Variants in RHD observed in about 807,000 individuals in gnomAD.
RHD encodes Rh blood group D antigen, also known as blood group Rh(D) polypeptide.
A neutral mutation model predicts 45.5 loss-of-function variants in RHD; 16 were observed. The observed-to-expected ratio is 0.35, with a 90% CI of 0.24 to 0.53. The LOEUF is 0.53. Among genes scored for constraint, RHD ranks in the 20% least tolerant of loss-of-function variants. The pLI is 0.92. For synonymous variants in RHD, 131 were observed against 217.5 expected (o/e 0.60, Z 3.50); for missense variants, 306 against 532.0 (o/e 0.58, Z 4.18).
rs192120870 is a variant in RHD at position 25,291,005 on chromosome 1, C to G, written c.486+214C>G. Among the ~76,000 whole-genome samples, 11 of 130,602 alleles carry G rather than the reference C, an allele frequency of 8.4e-5. 3 individuals are homozygous for G. Among genetic ancestry groups the G allele is most frequent in the Non-Finnish European group, 2.0e-4 (11 of 55,282 alleles). The allele number at this position is 130,602 out of a possible 152,430, so 85.7% of individuals were successfully genotyped here. ...AAAAAGTAATTTTTTCTAAATTATC[C>G]AGTTGTGGTGGCATGCACCTGTAGT... On this transcript the variant is annotated intron_variant, in intron 3 of 9. Coordinates refer to ENST00000328664, the MANE Select transcript of RHD (RefSeq NM_016124.6).
At position 25,330,081 on chromosome 1, in the gene RHD, G is replaced by A. The variant is rs1173666708; in HGVS notation, c.*1157G>A. 7.5e-6 allele frequency: 1 copy of A among 132,846 alleles called. No homozygotes were observed. The highest frequency in any genetic ancestry group is 7.3e-5 in the Admixed American group (1 of 13,638). The allele number at this position is 132,846 out of a possible 1,614,324, so 8.2% of individuals were successfully genotyped here. A position where few individuals can be genotyped will look rare whatever the true frequency, so the allele number is the denominator to read the frequency against. Reference sequence around the variant, plus strand: ...AACCTGGTTGCAGGACAAACAGACGGACAGCGTGTGGCAGTGTTTAAATGC... The same window carrying A: ...AACCTGGTTGCAGGACAAACAGACGAACAGCGTGTGGCAGTGTTTAAATGC... On this transcript the variant is annotated 3_prime_UTR_variant, in exon 10 of 10. Transcript: ENST00000328664.
At chr1:25,283,564 G>A (rs189930987) in intron 1 of RHD, among the ~76,000 whole-genome samples, 1 of 131,488 alleles carries the variant, frequency 7.6e-6, no homozygotes, top group Non-Finnish European at 1.8e-5. Flanking sequence ...TCTACCCACC[G>A]GGGCAAGTTA....
In RHD at chr1:25,301,722, C is replaced by G. The variant is rs1437958523; in HGVS notation, c.801+36C>G. On this transcript the variant is annotated intron_variant, in intron 5 of 9. Transcript: ENST00000328664. ...CGCTGCCCTTGGGCAGCACTTGGGTCTAACAGGACTAGCACACATATTTAT... is the reference window on the plus strand; with the variant it reads ...CGCTGCCCTTGGGCAGCACTTGGGTGTAACAGGACTAGCACACATATTTAT... The G allele has an allele frequency of 7.5e-6, 10 of 1,325,674 alleles. 3 individuals carry two copies. The highest frequency in any genetic ancestry group is 9.7e-6 in the Non-Finnish European group (9 of 930,846). 82.1% of individuals were successfully genotyped at this position (1,325,674 alleles called of 1,614,324 possible).
At chr1:25,324,889 C>CA (rs1333526234) in intron 9 of RHD, among the ~76,000 whole-genome samples, 31 of 114,088 alleles carry the variant, frequency 2.7e-4, no homozygotes, top group South Asian at 1.5e-3. Context: ...ACTAAAAATA[C>CA]AAAAAAAAAT....
Position 25,273,133 on chromosome 1 carries a change from G to A in RHD, c.148+438G>A, listed in dbSNP as rs1436375301. ...TTTTGTTTCCTTTTTGTGGCCTCTC[G>A]CTCATTTCTTATTTCTTTTTGAGGC... is the stretch of plus-strand genomic sequence containing the variant. On this transcript the variant is annotated intron_variant, in intron 1 of 9. Coordinates refer to ENST00000328664, the MANE Select transcript of RHD (RefSeq NM_016124.6). Among the ~76,000 whole-genome samples the A allele has an allele frequency of 2.3e-5, 3 of 129,284 alleles. 1 individual carries two copies. Among genetic ancestry groups the A allele is most frequent in the African/African-American group, 7.9e-5 (3 of 37,950 alleles). The allele number at this position is 129,284 out of a possible 152,430, so 84.8% of individuals were successfully genotyped here.
At chr1:25,310,045 A>G (rs1381617797) in intron 7 of RHD, among the ~76,000 whole-genome samples, 1 of 132,278 alleles carries the variant, frequency 7.6e-6, no homozygotes, top group African/African-American at 2.5e-5. Context: ...AATATCATAC[A>G]AGTACCATTT....
intron 1 of RHD, among the ~76,000 whole-genome samples, chr1:25,274,834 G>C (rs1211128320): frequency 1.7e-5 from 2 of 120,956 alleles, no homozygotes; most frequent in Admixed American, 7.9e-5. Flanking sequence ...TGGCAAAACC[G>C]CATCTCTACT....
Position 25,283,250 on chromosome 1 carries a change from G to T in RHD, c.149-1323G>T, listed in dbSNP as rs192468224. On this transcript the variant is annotated intron_variant, in intron 1 of 9. Transcript: ENST00000328664. ...ATCTAGGTGTAAATCTTGGCTGTAG[G>T]CCAGGCCCTGTGGCTCATGTCTGTA... 4.5e-3 allele frequency among the ~76,000 whole-genome samples: 600 copies of T among 132,490 alleles called. 81 individuals carry two copies. Among genetic ancestry groups the T allele is most frequent in the African/African-American group, 0.015 (585 of 38,934 alleles). The allele number at this position is 132,490 out of a possible 152,430, so 86.9% of individuals were successfully genotyped here.
In RHD at chr1:25,276,053, C is replaced by T. The variant is rs1364428318; in HGVS notation, c.148+3358C>T. 1.5e-5 allele frequency among the ~76,000 whole-genome samples: 2 copies of T among 131,816 alleles called. 1 individual carries two copies. Among genetic ancestry groups the T allele is most frequent in the Non-Finnish European group, 3.6e-5 (2 of 55,800 alleles). The allele number at this position is 131,816 out of a possible 152,430, so 86.5% of individuals were successfully genotyped here. A position where few individuals can be genotyped will look rare whatever the true frequency, so the allele number is the denominator to read the frequency against. ...CTTAATTGAATTCAGTCCTGGTAAA[C>T]TATAATAGATTATTCAAACCTGCCA... On this transcript the variant is annotated intron_variant, in intron 1 of 9. Transcript: ENST00000328664.
At position 25,301,636 on chromosome 1, in the gene RHD, A is replaced by G; in HGVS notation, c.751A>G (p.Thr251Ala). The G allele has an allele frequency of 2.9e-6, 4 of 1,380,488 alleles. 1 individual carries two copies. In the South Asian group the frequency reaches 4.7e-5, roughly 16 times the overall value. 85.5% of individuals were successfully genotyped at this position (1,380,488 alleles called of 1,614,324 possible). A position where few individuals can be genotyped will look rare whatever the true frequency, so the allele number is the denominator to read the frequency against. Residue 251 changes from threonine (T) to alanine (A), a missense_variant, in exon 5 of 10, where the codon ACA becomes GCA. Thr to Ala is a moderately conservative substitution (Grantham distance 58). Transcript: ENST00000328664. ...CTATGCTGTAGCAGTCAGCGTGGTG[A>G]CAGCCATCTCAGGGTCATCCTTGGC... ...TYYAVAVSVV[T>A]AISGSSLAHP...
rs1461515138 is a variant in RHD, at chr1:25,314,828, C to G, written c.1074-2172C>G. On this transcript the variant is annotated intron_variant, in intron 7 of 9. Transcript: ENST00000328664. The stretch of plus-strand genomic sequence containing the variant: ...CCACCTTTTACTTTCTTAATGGTGT[C>G]TTTTGAACAAGAGAGGTTCTTAATT... Among the ~76,000 whole-genome samples, 8 of 131,404 alleles carry G rather than the reference C, an allele frequency of 6.1e-5. 3 individuals are homozygous for G. Among genetic ancestry groups the G allele is most frequent in the Admixed American group, 3.0e-4 (4 of 13,480 alleles). The allele number at this position is 131,404 out of a possible 152,430, so 86.2% of individuals were successfully genotyped here.
intron 2 of RHD, among the ~76,000 whole-genome samples, chr1:25,285,118 C>G (rs181688025): frequency 0.012 from 1,563 of 132,960 alleles, 147 homozygotes; most frequent in African/African-American, 0.039. Flanking sequence ...ACATGCCACA[C>G]CTAGAGAGAC....
intron 2 of RHD, among the ~76,000 whole-genome samples, chr1:25,286,287 A>G: frequency 7.4e-6 from 1 of 135,326 alleles, no homozygotes; most frequent in African/African-American, 2.6e-5. Flanking sequence ...CCAGAAGTTT[A>G]AGACCAGCCT....
rs1208943081 is a variant in RHD at position 25,272,829 on chromosome 1, G to A, written c.148+134G>A. 42 of 1,134,720 alleles carry A rather than the reference G, an allele frequency of 3.7e-5. 8 individuals carry two copies. Among genetic ancestry groups the A allele is most frequent in the South Asian group, 3.7e-4 (28 of 76,018 alleles). The allele number at this position is 1,134,720 out of a possible 1,614,324, so 70.3% of individuals were successfully genotyped here. On this transcript the variant is annotated intron_variant, in intron 1 of 9. Coordinates refer to ENST00000328664, the MANE Select transcript of RHD (RefSeq NM_016124.6). ...GAAAAAGATTCCCCCATCTTCTTCC[G>A]TAGATTGCACCGAAATTCAGCCAAC...
rs1375968675 is a variant in RHD at position 25,296,400 on chromosome 1, A to C, written c.487-4546A>C. On this transcript the variant is annotated intron_variant, in intron 3 of 9. Coordinates refer to ENST00000328664, the MANE Select transcript of RHD (RefSeq NM_016124.6). ...TAGCTGGGATTAGGGGCATGCCACC[A>C]TGCCCAGTTAATTTTTGTATTTTTA... 9.1e-5 allele frequency among the ~76,000 whole-genome samples: 11 copies of C among 120,856 alleles called. 2 individuals carry two copies. Among genetic ancestry groups the C allele is most frequent in the Admixed American group, 2.4e-4 (3 of 12,428 alleles). The allele number at this position is 120,856 out of a possible 152,430, so 79.3% of individuals were successfully genotyped here. A position where few individuals can be genotyped will look rare whatever the true frequency, so the allele number is the denominator to read the frequency against.
Position 25,290,174 on chromosome 1 carries a change from G to A in RHD, c.336-467G>A, listed in dbSNP as rs1642363250. Among the ~76,000 whole-genome samples, 2 of 130,492 alleles carry A rather than the reference G, an allele frequency of 1.5e-5. 1 individual carries two copies. 85.6% of individuals were successfully genotyped at this position (130,492 alleles called of 152,430 possible). ...TTCTTTCCACTGCCACGGAGACGGAGAGAAGGGACAGTGGCCCCAGATGGG... is the reference window on the plus strand; with the variant it reads ...TTCTTTCCACTGCCACGGAGACGGAAAGAAGGGACAGTGGCCCCAGATGGG... On this transcript the variant is annotated intron_variant, in intron 2 of 9. Transcript: ENST00000328664.
chr1:25,322,660 G>A (rs1644780941), intron 9 of RHD, among the ~76,000 whole-genome samples: 1 of 127,676 alleles, frequency 7.8e-6, no homozygotes, highest in Non-Finnish European at 1.9e-5. Context: ...GTGACAGAGC[G>A]AGACTTTGCC....
chr1:25,312,578 T>A (rs1210474583), intron 7 of RHD, among the ~76,000 whole-genome samples: 1 of 129,060 alleles, frequency 7.7e-6, no homozygotes, highest in East Asian at 2.0e-4. Flanking sequence ...GACCTGTCTC[T>A]ACAAAAAATA....
chr1:25,290,754 T>C lies in RHD; in HGVS notation c.449T>C (p.Leu150Ser), dbSNP rs758987273. The change falls in exon 3 of 10, where the codon TTA becomes TCA. Residue 150 changes from leucine (L) to serine (S), a missense_variant. By Grantham distance (145) the Leu-to-Ser change is moderately radical. Coordinates refer to ENST00000328664, the MANE Select transcript of RHD (RefSeq NM_016124.6). Reference protein sequence around the residue: ...VVMVLVEVTALGNLRMVISNI... With the variant: ...VVMVLVEVTASGNLRMVISNI... ...ATGGTGCTGGTGGAGGTGACAGCTT[T>C]AGGCAACCTGAGGATGGTCATCAGT... 1.5e-6 allele frequency: 2 copies of C among 1,377,442 alleles called. No individual in the cohort carries two copies. The highest frequency in any genetic ancestry group is 2.4e-5 in the South Asian group (2 of 84,684). 85.3% of individuals were successfully genotyped at this position (1,377,442 alleles called of 1,614,324 possible). A position where few individuals can be genotyped will look rare whatever the true frequency, so the allele number is the denominator to read the frequency against.
Sources: allele counts gnomAD v4.1 joint callset (sites outside exome capture counted in the v4.1 genomes callset), GRCh38; gene constraint gnomAD v4.1.1; transcripts MANE v1.5; gene names NCBI Gene and HGNC (gene_info 2026-07-23, HGNC 2026-07-21).